MGLL: variants seen among roughly 807,000 people sequenced by gnomAD.
MGLL encodes the protein monoglyceride lipase.
In MGLL, 7 loss-of-function variants were observed where a neutral mutation model predicts 29.1. The ratio of observed to expected loss-of-function variants is 0.24; its 90% CI spans 0.14 to 0.45. The LOEUF (loss-of-function observed/expected upper bound fraction) is 0.45. Ranked by LOEUF, MGLL falls within the 20% of genes least tolerant of loss-of-function variation. The probability of loss-of-function intolerance (pLI) is 0.99; values close to 1 mark genes in which losing one functional copy is unlikely to be tolerated. For synonymous variants in MGLL, 148 were observed against 168.3 expected (o/e 0.88, Z 0.93); for missense variants, 356 against 413.6 (o/e 0.86, Z 1.21).
At chr3:127,736,629 C>T (rs141937395) in intron 3 of MGLL, among the ~76,000 whole-genome samples, 1 of 152,312 alleles carries the variant, frequency 6.6e-6, no homozygotes, top group Non-Finnish European at 1.5e-5. Flanking sequence ...TAAGCACTTG[C>T]GGTATGCCTG....
intron 2 of MGLL, among the ~76,000 whole-genome samples, chr3:127,782,442 T>C (rs1173332346): frequency 6.6e-6 from 1 of 152,072 alleles, no homozygotes; most frequent in African/African-American, 2.4e-5. Context: ...TCCAGTCCCA[T>C]GAAGGTTCAT....
intron 2 of MGLL, among the ~76,000 whole-genome samples, chr3:127,819,570 C>A (rs1025813366): frequency 1.3e-5 from 2 of 152,110 alleles, no homozygotes; most frequent in East Asian, 3.9e-4. Context: ...TGGGAGGAGA[C>A]AGGATTGCAC....
At chr3:127,754,157 G>A (rs928585297) in intron 3 of MGLL, among the ~76,000 whole-genome samples, 1 of 152,182 alleles carries the variant, frequency 6.6e-6, no homozygotes, top group Non-Finnish European at 1.5e-5. Context: ...TCACTCTCCA[G>A]CTTCCTCCTT....
At chr3:127,746,411 G>A (rs1292714321) in intron 3 of MGLL, among the ~76,000 whole-genome samples, 1 of 152,060 alleles carries the variant, frequency 6.6e-6, no homozygotes, top group East Asian at 1.9e-4. Context: ...GCCCCCAGGC[G>A]GTCCCCATTC....
At position 127,768,225 on chromosome 3, in the gene MGLL, G is replaced by T. The variant is rs564550812; in HGVS notation, c.262+13564C>A. 4.6e-5 allele frequency among the ~76,000 whole-genome samples: 7 copies of T among 152,230 alleles called. No homozygotes were observed. In the South Asian group the frequency reaches 1.0e-3, roughly 23 times the overall value. On this transcript the variant is annotated intron_variant, in intron 3 of 7. Coordinates refer to ENST00000265052, the MANE Select transcript of MGLL (RefSeq NM_007283.7). ...CCTCACTGATCTACCAAACATTGAAGGAAAAAATAATAACGATCTTACACA... is the reference window on the plus strand; with the variant it reads ...CCTCACTGATCTACCAAACATTGAATGAAAAAATAATAACGATCTTACACA...
intron 2 of MGLL, among the ~76,000 whole-genome samples, chr3:127,800,939 C>A (rs2077467393): frequency 6.6e-6 from 1 of 151,632 alleles, no homozygotes; most frequent in Non-Finnish European, 1.5e-5. Flanking sequence ...TCAGAAGAAG[C>A]TGCTGATAAA....
chr3:127,774,639 C>T (rs1025680041), intron 3 of MGLL, among the ~76,000 whole-genome samples: 1 of 152,188 alleles, frequency 6.6e-6, no homozygotes, highest in Non-Finnish European at 1.5e-5. Context: ...GGTGAGCTGG[C>T]AGGTACTTCG....
intron 2 of MGLL, among the ~76,000 whole-genome samples, chr3:127,819,043 G>A (rs761612549): frequency 6.6e-6 from 1 of 152,170 alleles, no homozygotes; most frequent in Admixed American, 6.5e-5. Flanking sequence ...GGCCTGCTAC[G>A]TTAAAAACAG....
At chr3:127,710,447 G>T in intron 6 of MGLL, 129 bp downstream of exon 6, 1 of 884,730 alleles carries the variant, frequency 1.1e-6, no homozygotes, top group Non-Finnish European at 1.8e-6. Context: ...ATGCACCACT[G>T]TGTCCTTGTC....
At chr3:127,819,978 C>T (rs1461921760) in intron 2 of MGLL, among the ~76,000 whole-genome samples, 4 of 152,140 alleles carry the variant, frequency 2.6e-5, no homozygotes, top group African/African-American at 9.7e-5. Context: ...GGACCTTGGC[C>T]AGCCCCTTCC....
intron 2 of MGLL, among the ~76,000 whole-genome samples, chr3:127,812,277 A>G (rs1035994617): frequency 2.0e-5 from 3 of 152,228 alleles, no homozygotes; most frequent in African/African-American, 2.4e-5. Flanking sequence ...TCCACATAAA[A>G]GAAAAGTGTT....
chr3:127,738,225 C>T (rs1559935079), intron 3 of MGLL, among the ~76,000 whole-genome samples: 3 of 151,520 alleles, frequency 2.0e-5, no homozygotes, highest in South Asian at 2.1e-4. Context: ...CGCTTGAGCC[C>T]GGGAAGTTGA....
chr3:127,790,109 C>T (rs2077275838), intron 2 of MGLL, among the ~76,000 whole-genome samples: 1 of 152,204 alleles, frequency 6.6e-6, no homozygotes, highest in African/African-American at 2.4e-5. Context: ...ATTCTTTGGA[C>T]TTGAATCCTG....
Position 127,692,023 on chromosome 3 carries a change from G to A in MGLL, c.*175C>T. 1.2e-6 allele frequency: 1 copy of A among 826,650 alleles called. No homozygotes were observed. The highest frequency in any genetic ancestry group is 1.8e-6 in the Non-Finnish European group (1 of 542,058). 51.2% of individuals were successfully genotyped at this position (826,650 alleles called of 1,614,324 possible). On this transcript the variant is annotated 3_prime_UTR_variant, in exon 8 of 8. Transcript: ENST00000265052. ...AACCATTAAGGTAGGTCCAGTGTCT[G>A]ATAGTCTAATGTATAACAAAAATGT...
chr3:127,775,073 G>A (rs190429417), intron 3 of MGLL, among the ~76,000 whole-genome samples: 194 of 152,250 alleles, frequency 1.3e-3, no homozygotes, highest in African/African-American at 4.5e-3. Context: ...CATTCACTAT[G>A]CTTAATAGTG....
At chr3:127,787,599 A>G (rs1195539946) in intron 2 of MGLL, among the ~76,000 whole-genome samples, 6 of 152,222 alleles carry the variant, frequency 3.9e-5, no homozygotes, top group Non-Finnish European at 8.8e-5. Context: ...TGTTCCTACC[A>G]CTAGGCAGGT....
At chr3:127,697,856 G>A (rs979976236) in intron 6 of MGLL, among the ~76,000 whole-genome samples, 1 of 152,156 alleles carries the variant, frequency 6.6e-6, no homozygotes, top group Non-Finnish European at 1.5e-5. Context: ...GCCCTGGGCT[G>A]GGCCACCACC....
chr3:127,775,490 G>A (rs1224415009), intron 3 of MGLL, among the ~76,000 whole-genome samples: 1 of 151,744 alleles, frequency 6.6e-6, no homozygotes, highest in Non-Finnish European at 1.5e-5. Flanking sequence ...CTCTTCTTCT[G>A]ACTGGATAGG....
At chr3:127,734,926 T>A (rs2076218331) in intron 3 of MGLL, among the ~76,000 whole-genome samples, 1 of 152,144 alleles carries the variant, frequency 6.6e-6, no homozygotes, top group Admixed American at 6.5e-5. Context: ...CCACAGGAAG[T>A]CAGCCAGCAT....
Sources: allele counts gnomAD v4.1 joint callset (sites outside exome capture counted in the v4.1 genomes callset), GRCh38; gene constraint gnomAD v4.1.1; transcripts MANE v1.5; gene names NCBI Gene and HGNC (gene_info 2026-07-23, HGNC 2026-07-21).